Variants in LRIG1 observed in about 807,000 individuals in gnomAD.
The protein encoded by LRIG1 is leucine rich repeats and immunoglobulin like domains 1.
LRIG1 carries 48 observed loss-of-function variants against 99.2 expected under a neutral mutation model. The observed-to-expected ratio is 0.48, with a 90% CI of 0.38 to 0.62. The LOEUF (loss-of-function observed/expected upper bound fraction) is 0.62, where lower values mean the gene tolerates loss of function less well. Among genes scored for constraint, LRIG1 ranks in the 20% least tolerant of loss-of-function variants. LRIG1 has a pLI of 0.00. For synonymous variants in LRIG1, 772 were observed against 596.1 expected (o/e 1.29, Z -4.30); for missense variants, 1,646 against 1,434.4 (o/e 1.15, Z -2.38).
chr3:66,463,863 C>T (rs1328484409), intron 1 of LRIG1, among the ~76,000 whole-genome samples: 1 of 152,214 alleles, frequency 6.6e-6, no homozygotes, highest in Non-Finnish European at 1.5e-5. Flanking sequence ...AGACGTTCAT[C>T]TAAATAAAAG....
intron 1 of LRIG1, among the ~76,000 whole-genome samples, chr3:66,489,517 TTGTGTGTATGTG>T (rs1362230406): frequency 1.6e-5 from 1 of 63,102 alleles, no homozygotes; most frequent in African/African-American, 4.6e-5. Context: ...GTGGGACCCT[TTGTGTGTATGTG>T]TGTGTGTGTG....
intron 14 of LRIG1, 95 bp from the exon 15 acceptor site, chr3:66,383,496 A>C (rs902273607): frequency 1.1e-5 from 12 of 1,076,900 alleles, no homozygotes; most frequent in Admixed American, 4.9e-5. Context: ...CAACATATCA[A>C]TGAGATGCAT....
intron 1 of LRIG1, among the ~76,000 whole-genome samples, chr3:66,488,035 G>A (rs1054281554): frequency 6.6e-6 from 1 of 152,034 alleles, no homozygotes; most frequent in Non-Finnish European, 1.5e-5. Context: ...TTTAAATCCG[G>A]AAGTTTCGTT....
chr3:66,406,843 T>C (rs1310139153), intron 8 of LRIG1, among the ~76,000 whole-genome samples: 1 of 152,168 alleles, frequency 6.6e-6, no homozygotes, highest in African/African-American at 2.4e-5. Context: ...AGTGCTGCTT[T>C]TGGAAAGGAG....
intron 4 of LRIG1, among the ~76,000 whole-genome samples, chr3:66,415,753 C>G (rs1308147824): frequency 1.3e-5 from 2 of 152,216 alleles, no homozygotes; most frequent in Non-Finnish European, 1.5e-5. Context: ...CAGCTCAGAT[C>G]TGTGCATCTT....
chr3:66,472,463 C>A (rs919383589), intron 1 of LRIG1, among the ~76,000 whole-genome samples: 2 of 152,114 alleles, frequency 1.3e-5, no homozygotes, highest in Non-Finnish European at 2.9e-5. Context: ...TGTGATGAAT[C>A]TCCTGTTCCG....
intron 1 of LRIG1, among the ~76,000 whole-genome samples, chr3:66,468,755 T>C (rs1226559292): frequency 6.6e-6 from 1 of 152,198 alleles, no homozygotes; most frequent in Non-Finnish European, 1.5e-5. Context: ...AAAAGGTGAT[T>C]CGTCCTTTCA....
intron 7 of LRIG1, among the ~76,000 whole-genome samples, chr3:66,409,225 C>T (rs2106664300): frequency 6.6e-6 from 1 of 152,246 alleles, no homozygotes; most frequent in South Asian, 2.1e-4. Context: ...ACCCACCCAA[C>T]TCTTGTGAAA....
chr3:66,479,193 C>T (rs184660383), intron 1 of LRIG1, among the ~76,000 whole-genome samples: 103 of 152,346 alleles, frequency 6.8e-4, no homozygotes, highest in African/African-American at 2.3e-3. Context: ...AAAGCTCCGT[C>T]GGCAAAGGCA....
intron 9 of LRIG1, 86 bp downstream of exon 9, chr3:66,405,112 G>A (rs1323186120): frequency 4.2e-6 from 5 of 1,193,278 alleles, no homozygotes; most frequent in Admixed American, 1.8e-5. Flanking sequence ...CCAGAGCAGA[G>A]AGGCGCGGGG....
intron 11 of LRIG1, among the ~76,000 whole-genome samples, chr3:66,396,252 G>A (rs577443856): frequency 1.3e-5 from 2 of 152,136 alleles, no homozygotes; most frequent in African/African-American, 4.8e-5. Context: ...AGGGCCTGGG[G>A]CCAGGCAGTA....
At chr3:66,438,007 C>T (rs796660186) in intron 3 of LRIG1, among the ~76,000 whole-genome samples, 5 of 152,276 alleles carry the variant, frequency 3.3e-5, no homozygotes, top group Admixed American at 1.3e-4. Context: ...TGGGAAGCCA[C>T]GAAGGGACCC....
chr3:66,438,445 T>C (rs1300714525), intron 3 of LRIG1, among the ~76,000 whole-genome samples: 1 of 152,160 alleles, frequency 6.6e-6, no homozygotes. Context: ...TGGTTGATAC[T>C]GAACCAGCCC....
At chr3:66,400,358 T>C (rs919234144) in intron 9 of LRIG1, among the ~76,000 whole-genome samples, 4 of 152,216 alleles carry the variant, frequency 2.6e-5, no homozygotes, top group Admixed American at 1.3e-4. Context: ...GCATTCCCTC[T>C]AATCCTGATG....
At chr3:66,402,205 G>A (rs1004058364) in intron 9 of LRIG1, among the ~76,000 whole-genome samples, 1 of 152,166 alleles carries the variant, frequency 6.6e-6, no homozygotes, top group Admixed American at 6.5e-5. Context: ...CTCTCTGCCT[G>A]TAATTTGGGA....
At position 66,386,279 on chromosome 3, in the gene LRIG1, G is replaced by C. The variant is rs775333974; in HGVS notation, c.1491C>G (p.Ile497Met). 5 of 1,614,052 alleles carry C rather than the reference G, an allele frequency of 3.1e-6. No homozygotes were observed. Among genetic ancestry groups the C allele is most frequent in the Non-Finnish European group, 4.2e-6 (5 of 1,179,980 alleles). Residue 497 changes from isoleucine to methionine, a missense_variant, in exon 13 of 19, where the codon ATC becomes ATG. Transcript: ENST00000273261. ...FVCDDFLKPQ[I>M]ITQPETTMAM... Reference sequence around the variant, plus strand: ...CCATGGTGGTTTCTGGCTGGGTGATGATCTGTGGCTTCAGGAAGTCATCTG... The same window carrying C: ...CCATGGTGGTTTCTGGCTGGGTGATCATCTGTGGCTTCAGGAAGTCATCTG...
In LRIG1 at chr3:66,380,536, G is replaced by C. The variant is rs758076564; in HGVS notation, c.3055+41C>G. 8 of 1,613,694 alleles carry C rather than the reference G, an allele frequency of 5.0e-6. No homozygotes were observed. In the South Asian group the frequency reaches 8.8e-5, roughly 18 times the overall value. ...GTCAGACCCCCACTTGACCGTTTAA[G>C]CAGCTCCCAACCCACCTGTTAGAAG... On this transcript the variant is annotated intron_variant, in intron 18 of 18. Coordinates refer to ENST00000273261, the MANE Select transcript of LRIG1 (RefSeq NM_015541.3).
intron 2 of LRIG1, among the ~76,000 whole-genome samples, chr3:66,455,887 A>C (rs1700206703): frequency 1.3e-5 from 2 of 152,242 alleles, no homozygotes; most frequent in South Asian, 4.1e-4. Flanking sequence ...TTAACAAAAT[A>C]AACAATAATA....
At chr3:66,468,756 CG>C (rs1700532012) in intron 1 of LRIG1, among the ~76,000 whole-genome samples, 1 of 152,114 alleles carries the variant, frequency 6.6e-6, no homozygotes, top group African/African-American at 2.4e-5. Context: ...AAAGGTGATT[CG>C]TCCTTTCAAA....
Sources: gnomAD v4.1 joint callset for allele counts (sites outside exome capture counted in the v4.1 genomes callset) on GRCh38, gnomAD v4.1.1 for gene constraint, MANE v1.5 for transcripts, NCBI Gene and HGNC (gene_info 2026-07-23, HGNC 2026-07-21) for gene names.